The following THSD4 variants were observed in gnomAD, a reference collection of about 807,000 sequenced individuals.
The protein encoded by THSD4 is thrombospondin type 1 domain containing 4.
A neutral mutation model predicts 119.0 loss-of-function variants in THSD4; 69 were observed. The ratio of observed to expected loss-of-function variants is 0.58; its 90% confidence interval spans 0.48 to 0.71. The LOEUF (loss-of-function observed/expected upper bound fraction) is 0.71. Among genes scored for constraint, THSD4 ranks in the 30% least tolerant of loss-of-function variants. THSD4 has a pLI of 0.00. For synonymous variants in THSD4, 524 were observed against 540.4 expected (o/e 0.97, Z 0.42); for missense variants, 1,393 against 1,391.1 (o/e 1.00, Z -0.02).
chr15:71,533,113 G>A (rs537939810), intron 7 of THSD4, among the ~76,000 whole-genome samples: 18 of 152,202 alleles, frequency 1.2e-4, no homozygotes, highest in Non-Finnish European at 2.4e-4. Flanking sequence ...ACCTCTAGAT[G>A]GAGCTTTTGC....
intron 3 of THSD4, among the ~76,000 whole-genome samples, chr15:71,202,750 C>T (rs942001004): frequency 6.6e-6 from 1 of 152,104 alleles, no homozygotes; most frequent in African/African-American, 2.4e-5. Flanking sequence ...TCTTGACATG[C>T]TGCTAGCAAC....
At chr15:71,222,315 T>A (rs925214587) in intron 4 of THSD4, among the ~76,000 whole-genome samples, 20 of 152,174 alleles carry the variant, frequency 1.3e-4, no homozygotes, top group African/African-American at 4.6e-4. Flanking sequence ...ACCACTCTCA[T>A]GCTAAAGGGC....
intron 3 of THSD4, among the ~76,000 whole-genome samples, chr15:71,162,205 G>A (rs924673378): frequency 6.6e-5 from 10 of 151,868 alleles, no homozygotes; most frequent in Non-Finnish European, 1.2e-4. Flanking sequence ...TATGACTATG[G>A]ATTTACCCAG....
At chr15:71,644,866 C>G (rs988738059) in intron 7 of THSD4, among the ~76,000 whole-genome samples, 1 of 152,102 alleles carries the variant, frequency 6.6e-6, no homozygotes, top group African/African-American at 2.4e-5. Flanking sequence ...CACCCCTCAG[C>G]TCAGGGGTAA....
At chr15:71,549,564 G>A (rs2048895859) in intron 7 of THSD4, 1 of 152,192 alleles carries the variant, frequency 6.6e-6, no homozygotes, top group African/African-American at 2.4e-5. Flanking sequence ...ATTTATAACA[G>A]CCTCTTTTTT....
At chr15:71,134,932 G>A (rs1162374344) in intron 1 of THSD4, among the ~76,000 whole-genome samples, 2 of 148,750 alleles carry the variant, frequency 1.3e-5, no homozygotes, top group Non-Finnish European at 3.0e-5. Context: ...GTTTATTGCG[G>A]CATTATTCAC....
At chr15:71,609,010 G>A (rs1018893574) in intron 7 of THSD4, among the ~76,000 whole-genome samples, 2 of 152,152 alleles carry the variant, frequency 1.3e-5, no homozygotes, top group Non-Finnish European at 2.9e-5. Context: ...TTTAAATCTG[G>A]AAAGTGACAT....
At chr15:71,699,922 A>G (rs1036599106) in intron 8 of THSD4, among the ~76,000 whole-genome samples, 1 of 152,196 alleles carries the variant, frequency 6.6e-6, no homozygotes, top group Non-Finnish European at 1.5e-5. Context: ...TTACTACCCA[A>G]TCTGTACAAA....
At chr15:71,331,022 A>C (rs991047334) in intron 6 of THSD4, among the ~76,000 whole-genome samples, 1 of 152,184 alleles carries the variant, frequency 6.6e-6, no homozygotes, top group East Asian at 1.9e-4. Context: ...TCCCGGGTGT[A>C]GACAGAGCGT....
intron 6 of THSD4, among the ~76,000 whole-genome samples, chr15:71,282,273 C>T (rs927093971): frequency 5.3e-5 from 8 of 152,244 alleles, no homozygotes; most frequent in South Asian, 4.2e-4. Flanking sequence ...TCACTTAAAC[C>T]GTGGCGTCCA....
intron 6 of THSD4, among the ~76,000 whole-genome samples, chr15:71,361,204 C>A (rs1355836727): frequency 6.6e-6 from 1 of 152,168 alleles, no homozygotes; most frequent in Non-Finnish European, 1.5e-5. Context: ...GAAGACCATA[C>A]ATGTCTTTTA....
intron 1 of THSD4, among the ~76,000 whole-genome samples, chr15:71,103,147 C>CTT (rs34279644): frequency 5.0e-4 from 70 of 141,072 alleles, no homozygotes; most frequent in African/African-American, 1.8e-3. Flanking sequence ...AAAAAGAAGG[C>CTT]TTTTTTTTTT....
intron 7 of THSD4, among the ~76,000 whole-genome samples, chr15:71,471,678 C>A (rs1195745102): frequency 6.6e-6 from 1 of 151,390 alleles, no homozygotes. Flanking sequence ...AGATATGTAG[C>A]CTGAGGCAAG....
intron 8 of THSD4, among the ~76,000 whole-genome samples, chr15:71,679,053 G>A (rs1376308467): frequency 1.3e-5 from 2 of 152,126 alleles, no homozygotes; most frequent in South Asian, 4.1e-4. Flanking sequence ...ATTCCTGCAA[G>A]ATAATTAAAC....
At chr15:71,332,891 C>CTTTTTTTTTTTTTTTTTTT (rs1184457820) in intron 6 of THSD4, among the ~76,000 whole-genome samples, 436 of 37,900 alleles carry the variant, frequency 0.012, 44 homozygotes, top group Middle Eastern at 0.025. Flanking sequence ...GATTTTTTTA[C>CTTTTTTTTTTTTTTTTTTT]ATTTTTTTTT....
At chr15:71,601,119 A>T (rs183682209) in intron 7 of THSD4, among the ~76,000 whole-genome samples, 1 of 152,316 alleles carries the variant, frequency 6.6e-6, no homozygotes, top group East Asian at 1.9e-4. Flanking sequence ...AACCAGTGAG[A>T]TAATTAAATG....
At chr15:71,239,685 C>T (rs1202933266) in intron 4 of THSD4, among the ~76,000 whole-genome samples, 1 of 152,242 alleles carries the variant, frequency 6.6e-6, no homozygotes, top group African/African-American at 2.4e-5. Context: ...GCGCCTACCA[C>T]ATGATTCTCC....
intron 7 of THSD4, among the ~76,000 whole-genome samples, chr15:71,626,360 T>G (rs751331834): frequency 3.3e-5 from 5 of 152,230 alleles, no homozygotes; most frequent in Non-Finnish European, 7.4e-5. Context: ...TTGAACAACA[T>G]GGTGACTGTG....
intron 6 of THSD4, among the ~76,000 whole-genome samples, chr15:71,258,547 G>A (rs1380539009): frequency 6.6e-6 from 1 of 152,158 alleles, no homozygotes; most frequent in Non-Finnish European, 1.5e-5. Context: ...AGGAACTTTT[G>A]TACTATCTTT....
Sources: gnomAD v4.1 joint callset for allele counts (sites outside exome capture counted in the v4.1 genomes callset) on GRCh38, gnomAD v4.1.1 for gene constraint, MANE v1.5 for transcripts, NCBI Gene and HGNC (gene_info 2026-07-23, HGNC 2026-07-21) for gene names.